Variants in RRM2B observed in about 807,000 individuals in gnomAD.
RRM2B encodes the protein ribonucleoside-diphosphate reductase subunit M2 B.
A neutral mutation model predicts 45.9 loss-of-function variants in RRM2B; 20 were observed. The ratio of observed to expected loss-of-function variants is 0.44; its 90% CI spans 0.31 to 0.63. RRM2B has a LOEUF of 0.63. RRM2B is among the 30% of genes least tolerant of loss of function. RRM2B has a pLI of 0.09. For missense variants in RRM2B, 320 were observed against 414.7 expected, an observed-to-expected ratio of 0.77 and a Z score of 1.98; for synonymous variants, 124 against 132.3, an observed-to-expected ratio of 0.94 and a Z score of 0.43.
intron 7 of RRM2B, among the ~76,000 whole-genome samples, 200 bp downstream of exon 7, chr8:102,213,854 A>G (rs565252803): frequency 6.6e-6 from 1 of 152,334 alleles, no homozygotes; most frequent in Admixed American, 6.5e-5. Context: ...ACCTTAATAT[A>G]TAATAAAGAC....
intron 8 of RRM2B, among the ~76,000 whole-genome samples, chr8:102,209,519 C>G (rs977970221): frequency 6.6e-5 from 10 of 152,048 alleles, no homozygotes; most frequent in Non-Finnish European, 1.5e-4. Flanking sequence ...AAATTAGAAC[C>G]CTCATACAGG....
At position 102,206,797 on chromosome 8, in the gene RRM2B, G is replaced by A. The variant is rs972128900; in HGVS notation, c.*1336C>T. On this transcript the variant is annotated 3_prime_UTR_variant, in exon 9 of 9. Transcript: ENST00000251810. Reference sequence around the variant, plus strand: ...AGACTTCTCAAAAACCTTGGTTCCCGGCCTTTCATCAGACTCTTCTAGAGA... The same window carrying A: ...AGACTTCTCAAAAACCTTGGTTCCCAGCCTTTCATCAGACTCTTCTAGAGA... 5 of 152,092 alleles carry A rather than the reference G, an allele frequency of 3.3e-5. No homozygotes were observed. Among genetic ancestry groups the A allele is most frequent in the South Asian group, 2.1e-4 (1 of 4,820 alleles). The allele number at this position is 152,092 out of a possible 1,614,324, so 9.4% of individuals were successfully genotyped here.
At chr8:102,225,827 C>T (rs1484059624) in intron 3 of RRM2B, 91 bp downstream of exon 3, 4 of 800,650 alleles carry the variant, frequency 5.0e-6, no homozygotes, top group African/African-American at 1.7e-5. Flanking sequence ...TTTTAGACAT[C>T]TTGTCTTTGG....
At chr8:102,235,768 G>A (rs1197792418) in intron 1 of RRM2B, among the ~76,000 whole-genome samples, 1 of 152,204 alleles carries the variant, frequency 6.6e-6, no homozygotes, top group East Asian at 1.9e-4. Flanking sequence ...GAACCCAAGA[G>A]GCAGAGGTTG....
At chr8:102,208,358 C>T (rs1810579352) in intron 8 of RRM2B, 73 bp from the exon 9 acceptor site, 2 of 1,099,982 alleles carry the variant, frequency 1.8e-6, no homozygotes, top group Non-Finnish European at 2.7e-6. Context: ...CAAAGATGAC[C>T]AAAACAGAGG....
Position 102,208,191 on chromosome 8 carries a change from C to T in RRM2B, c.998G>A (p.Arg333His), listed in dbSNP as rs1810576423. 6 of 1,613,160 alleles carry T rather than the reference C, an allele frequency of 3.7e-6. No individual in the cohort carries two copies. The highest frequency in any genetic ancestry group is 5.1e-6 in the Non-Finnish European group (6 of 1,179,304). Residue 333 changes from arginine (R) to histidine (H), a missense_variant, in exon 9 of 9, where the codon CGT becomes CAT. Around this residue, in one of 3 missense-constraint regions of RRM2B, gnomAD observed 47 missense variants for 90.0 expected, o/e 0.52. Coordinates refer to ENST00000251810, the MANE Select transcript of RRM2B (RefSeq NM_015713.5). ...FFEKRVSEYQ[R>H]FAVMAETTDN... ...TGTGGTTTCTGCCATAACTGCAAAA[C>T]GCTGATACTCTGAAACTCGTTTCTC...
intron 1 of RRM2B, among the ~76,000 whole-genome samples, chr8:102,234,052 C>T (rs1483535949): frequency 6.6e-6 from 1 of 152,022 alleles, no homozygotes; most frequent in Non-Finnish European, 1.5e-5. Flanking sequence ...AAACTCCTGG[C>T]CTTTGTTATT....
At chr8:102,226,101 T>G (rs1397452537) in intron 2 of RRM2B, 67 bp from the exon 3 acceptor site, 24 of 914,618 alleles carry the variant, frequency 2.6e-5, no homozygotes, top group Non-Finnish European at 4.2e-5. Context: ...TTTGGGAAAC[T>G]AACTTCTATT....
chr8:102,208,399 A>G (rs890325142), intron 8 of RRM2B, 114 bp from the exon 9 acceptor site: 2 of 786,018 alleles, frequency 2.5e-6, no homozygotes, highest in Non-Finnish European at 4.2e-6. Flanking sequence ...CTAGTCAGCT[A>G]CAAGATCATA....
chr8:102,227,577 C>G (rs1049599146), intron 2 of RRM2B, among the ~76,000 whole-genome samples: 4 of 152,226 alleles, frequency 2.6e-5, no homozygotes, highest in Non-Finnish European at 4.4e-5. Context: ...GCTGGGAGTA[C>G]AGGCCTGAGC....
intron 6 of RRM2B, among the ~76,000 whole-genome samples, chr8:102,216,882 G>A (rs1362660627): frequency 6.6e-6 from 1 of 152,018 alleles, no homozygotes; most frequent in Non-Finnish European, 1.5e-5. Context: ...GGTAGAAAAT[G>A]TTCATACATT....
At chr8:102,217,287 A>G (rs1288325931) in intron 6 of RRM2B, among the ~76,000 whole-genome samples, 5 of 152,068 alleles carry the variant, frequency 3.3e-5, no homozygotes, top group Admixed American at 1.3e-4. Context: ...TTAAATGTAG[A>G]AAAAAAGTCT....
At chr8:102,211,617 T>C (rs185738381) in intron 8 of RRM2B, among the ~76,000 whole-genome samples, 2 of 152,300 alleles carry the variant, frequency 1.3e-5, no homozygotes, top group Admixed American at 1.3e-4. Context: ...GAATAGCGAA[T>C]TCACTGTAAG....
At position 102,211,275 on chromosome 8, in the gene RRM2B, T is replaced by TGTGA. The variant is rs1480898403; in HGVS notation, c.903+1497_903+1500dup. ...CCTCCCAGAGTTCTGGGATTAGAGGTGTGAGCCACCGCACCTGGCCTAACG... is the reference window on the plus strand; with the variant it reads ...CCTCCCAGAGTTCTGGGATTAGAGGTGTGAGTGAGCCACCGCACCTGGCCTAACG... On this transcript the variant is annotated intron_variant, in intron 8 of 8. Coordinates refer to ENST00000251810, the MANE Select transcript of RRM2B (RefSeq NM_015713.5). 2.7e-4 allele frequency among the ~76,000 whole-genome samples: 41 copies of TGTGA among 152,356 alleles called. No individual in the cohort carries two copies. In the East Asian group the frequency reaches 7.1e-3, roughly 27 times the overall value.
chr8:102,225,228 CTT>C (rs918693739), intron 3 of RRM2B, among the ~76,000 whole-genome samples: 15 of 87,520 alleles, frequency 1.7e-4, no homozygotes, highest in South Asian at 1.3e-3. Flanking sequence ...ATAGTATATT[CTT>C]TTTTTTTTTT....
chr8:102,223,102 T>G (rs1272142417), intron 5 of RRM2B, among the ~76,000 whole-genome samples: 2 of 151,982 alleles, frequency 1.3e-5, no homozygotes, highest in African/African-American at 4.8e-5. Context: ...CAATTAAAAA[T>G]AGATAAGAAT....
intron 1 of RRM2B, among the ~76,000 whole-genome samples, chr8:102,237,971 G>T (rs1185517705): frequency 6.6e-6 from 1 of 152,154 alleles, no homozygotes; most frequent in South Asian, 2.1e-4. Flanking sequence ...ACAGCAACAG[G>T]TTCCAGTAGT....
In RRM2B at chr8:102,235,612, G is replaced by A. The variant is rs746906936; in HGVS notation, c.48+3215C>T. ...TCCCAGCACTTTCGGAGGCCGAGGC[G>A]GGCGGATCACAAGGTCAAGAGATTG... On this transcript the variant is annotated intron_variant, in intron 1 of 8. Coordinates refer to ENST00000251810, the MANE Select transcript of RRM2B (RefSeq NM_015713.5). 3.3e-5 allele frequency among the ~76,000 whole-genome samples: 5 copies of A among 152,060 alleles called. No homozygotes were observed. In the East Asian group the frequency reaches 7.7e-4, roughly 23 times the overall value.
intron 4 of RRM2B, 75 bp from the exon 5 acceptor site, chr8:102,224,215 T>A: frequency 9.8e-7 from 1 of 1,023,350 alleles, no homozygotes; most frequent in Non-Finnish European, 1.5e-6. Flanking sequence ...AGAGTCTCGC[T>A]CTGTTGCCCA....
Sources: allele counts gnomAD v4.1 joint callset (sites outside exome capture counted in the v4.1 genomes callset), GRCh38; gene constraint gnomAD v4.1.1; regional missense constraint gnomAD v4.1.1; transcripts MANE v1.5; gene names NCBI Gene and HGNC (gene_info 2026-07-23, HGNC 2026-07-21).